UBE2L3: variants seen among roughly 807,000 people sequenced by gnomAD.
UBE2L3 encodes the protein ubiquitin conjugating enzyme E2 L3.
UBE2L3 carries 1 observed loss-of-function variant against 17.8 expected under a neutral mutation model. That is an observed-to-expected ratio of 0.06 (90% CI 0.02 to 0.27). UBE2L3 has a LOEUF of 0.27. Ranked by LOEUF, UBE2L3 falls within the 10% of genes least tolerant of loss-of-function variation. The probability of loss-of-function intolerance (pLI) is 1.00; values close to 1 mark genes in which losing one functional copy is unlikely to be tolerated. For missense variants in UBE2L3, 40 were observed against 192.6 expected (o/e 0.21, Z 4.69); for synonymous variants, 44 against 68.5 (o/e 0.64, Z 1.76).
intron 2 of UBE2L3, among the ~76,000 whole-genome samples, chr22:21,599,999 T>C (rs1051924090): frequency 1.3e-5 from 2 of 152,194 alleles, no homozygotes; most frequent in East Asian, 1.9e-4. Flanking sequence ...AAATGAAAGA[T>C]TGGAAAACCA....
At chr22:21,590,966 C>T (rs371668135) in intron 1 of UBE2L3, among the ~76,000 whole-genome samples, 2 of 152,326 alleles carry the variant, frequency 1.3e-5, no homozygotes, top group East Asian at 1.9e-4. Flanking sequence ...GTTGAGCTTA[C>T]ATTCTATTTG....
At chr22:21,616,638 T>G (rs1392109838) in intron 3 of UBE2L3, among the ~76,000 whole-genome samples, 1 of 132,556 alleles carries the variant, frequency 7.5e-6, no homozygotes, top group African/African-American at 2.9e-5. Flanking sequence ...GGTGACAGAG[T>G]GAGAGCGAGA....
rs1051287495 is a variant in UBE2L3, at chr22:21,595,265, G to C, written c.123+2309G>C. Among the ~76,000 whole-genome samples, 9 of 152,342 alleles carry C rather than the reference G, an allele frequency of 5.9e-5. No homozygotes were observed. In the South Asian group the frequency reaches 1.0e-3, roughly 18 times the overall value. ...CCCTTGCTTTCTTCCAGGGCCCCTG[G>C]GTTTGTATGAGGAATGTTTCAATGA... On this transcript the variant is annotated intron_variant, in intron 2 of 3. Transcript: ENST00000342192.
intron 2 of UBE2L3, among the ~76,000 whole-genome samples, chr22:21,597,494 G>A (rs550653581): frequency 6.6e-6 from 1 of 151,928 alleles, no homozygotes; most frequent in Admixed American, 6.6e-5. Context: ...ATGGAGTCTT[G>A]CTGTGTTGCC....
rs1929294597 is a variant in UBE2L3, at chr22:21,608,494, G to A, written c.124-2363G>A. On this transcript the variant is annotated intron_variant, in intron 2 of 3. Transcript: ENST00000342192. ...GCTGGAGTGTAGTGGCGCAACCTCAGTTCACTGCAATCTCTGCCTCCCGGG... is the reference window on the plus strand; with the variant it reads ...GCTGGAGTGTAGTGGCGCAACCTCAATTCACTGCAATCTCTGCCTCCCGGG... Among the ~76,000 whole-genome samples, 5 of 152,142 alleles carry A rather than the reference G, an allele frequency of 3.3e-5. No homozygotes were observed. The South Asian group carries it at 1.0e-3, about 31-fold the overall frequency.
At chr22:21,617,917 C>T (rs1449708632) in intron 3 of UBE2L3, among the ~76,000 whole-genome samples, 2 of 151,824 alleles carry the variant, frequency 1.3e-5, no homozygotes, top group African/African-American at 4.8e-5. Flanking sequence ...CATGGTGGCT[C>T]ATGCCTGTAA....
chr22:21,561,377 A>G (rs1283123571), intron 1 of UBE2L3, among the ~76,000 whole-genome samples: 1 of 152,304 alleles, frequency 6.6e-6, no homozygotes, highest in Non-Finnish European at 1.5e-5. Flanking sequence ...TGAGTTACAG[A>G]CCAGCCTGGG....
chr22:21,618,540 T>C (rs1192914239), intron 3 of UBE2L3, among the ~76,000 whole-genome samples: 3 of 150,918 alleles, frequency 2.0e-5, no homozygotes, highest in African/African-American at 7.3e-5. Flanking sequence ...ATTGTGCCAC[T>C]AACTCAGCCT....
chr22:21,600,807 A>G (rs966187822), intron 2 of UBE2L3, among the ~76,000 whole-genome samples: 2 of 152,230 alleles, frequency 1.3e-5, no homozygotes, highest in East Asian at 1.9e-4. Context: ...TTAGAACAAG[A>G]TGAATCTCAT....
At chr22:21,612,737 G>T (rs188661340) in intron 3 of UBE2L3, among the ~76,000 whole-genome samples, 58 of 132,538 alleles carry the variant, frequency 4.4e-4, no homozygotes, top group African/African-American at 1.4e-3. Flanking sequence ...TCCGCCTCCC[G>T]GGTTCAAGCA....
chr22:21,569,434 C>T (rs552959080), intron 1 of UBE2L3, among the ~76,000 whole-genome samples: 33 of 151,438 alleles, frequency 2.2e-4, no homozygotes, highest in South Asian at 1.5e-3. Context: ...GAGTGCATGC[C>T]TTGCTTTCTA....
intron 2 of UBE2L3, among the ~76,000 whole-genome samples, chr22:21,607,317 G>A (rs1929229121): frequency 6.6e-6 from 1 of 151,326 alleles, no homozygotes; most frequent in South Asian, 2.1e-4. Flanking sequence ...GACCAGGCTG[G>A]CCAACATGGT....
At chr22:21,566,002 T>G (rs1926617703), upstream of UBE2L3, among the ~76,000 whole-genome samples, 1 of 143,286 alleles carries the variant, frequency 7.0e-6, no homozygotes. Flanking sequence ...AGATGGAGTC[T>G]CACTCTGTCG....
At chr22:21,615,569 A>G (rs1359472993) in intron 3 of UBE2L3, among the ~76,000 whole-genome samples, 1 of 151,326 alleles carries the variant, frequency 6.6e-6, no homozygotes, top group African/African-American at 2.4e-5. Context: ...AAAAAAAAAA[A>G]GAAAGAAAAT....
At chr22:21,620,100 C>G (rs1929974411) in intron 3 of UBE2L3, among the ~76,000 whole-genome samples, 1 of 152,020 alleles carries the variant, frequency 6.6e-6, no homozygotes, top group South Asian at 2.1e-4. Context: ...TTGAGACCAG[C>G]CTGGGCAACA....
chr22:21,555,852 A>G (rs1402795569), intron 1 of UBE2L3, among the ~76,000 whole-genome samples: 1 of 152,230 alleles, frequency 6.6e-6, no homozygotes, highest in African/African-American at 2.4e-5. Context: ...GAATCACTTG[A>G]ACCCAGGAGG....
upstream of UBE2L3, chr22:21,567,523 C>T (rs1244927687): frequency 3.1e-6 from 3 of 958,132 alleles, no homozygotes; most frequent in African/African-American, 1.7e-5. Context: ...CTGGTTGTAA[C>T]TGCCATCTGA....
At chr22:21,556,465 T>C (rs1383280702) in intron 1 of UBE2L3, among the ~76,000 whole-genome samples, 4 of 152,252 alleles carry the variant, frequency 2.6e-5, no homozygotes, top group African/African-American at 9.6e-5. Context: ...GGTCTTGCTC[T>C]GTCATCCAGG....
chr22:21,619,969 G>A (rs1004236134), intron 3 of UBE2L3, among the ~76,000 whole-genome samples: 2 of 152,152 alleles, frequency 1.3e-5, no homozygotes, highest in Admixed American at 1.3e-4. Context: ...TCCATTTCTT[G>A]TAATGCTGAA....
Sources: allele counts gnomAD v4.1 joint callset (sites outside exome capture counted in the v4.1 genomes callset), GRCh38; gene constraint gnomAD v4.1.1; transcripts MANE v1.5; gene names NCBI Gene and HGNC (gene_info 2026-07-23, HGNC 2026-07-21).